VPS13B: variants seen among roughly 807,000 people sequenced by gnomAD.
VPS13B encodes vacuolar protein sorting 13 homolog B.
VPS13B carries 285 observed loss-of-function variants against 426.4 expected under a neutral mutation model. That is an observed-to-expected ratio of 0.67 (90% CI 0.61 to 0.74). VPS13B has a LOEUF of 0.74. Among genes scored for constraint, VPS13B ranks in the 30% least tolerant of loss-of-function variants. The pLI is 0.00. For synonymous variants in VPS13B, 1,676 were observed against 1,676.4 expected (o/e 1.00, Z 0.01); for missense variants, 4,537 against 4,782.6 (o/e 0.95, Z 1.51).
intron 25 of VPS13B, among the ~76,000 whole-genome samples, chr8:99,493,780 T>TA (rs376555643): frequency 0.11 from 6,655 of 60,916 alleles, 293 homozygotes; most frequent in African/African-American, 0.15. Context: ...AGACTCTATC[T>TA]AAAAAAAAAA....
rs981145487 is a variant in VPS13B at position 99,335,067 on chromosome 8, C to A, written c.2825-49141C>A. ...ATTGGTCTATTCAGAGATTCAACTTCTTCCTGGTTTAGTCTTGGGAGGGTG... is the reference window on the plus strand; with the variant it reads ...ATTGGTCTATTCAGAGATTCAACTTATTCCTGGTTTAGTCTTGGGAGGGTG... On this transcript the variant is annotated intron_variant, in intron 19 of 61. Coordinates refer to ENST00000357162, the MANE Select transcript of VPS13B (RefSeq NM_152564.5). Among the ~76,000 whole-genome samples, 30 of 152,246 alleles carry A rather than the reference C, an allele frequency of 2.0e-4. 1 individual carries two copies. Among genetic ancestry groups the A allele is most frequent in the African/African-American group, 7.0e-4 (29 of 41,554 alleles).
intron 19 of VPS13B, among the ~76,000 whole-genome samples, chr8:99,290,931 A>G (rs1190655687): frequency 6.6e-6 from 1 of 152,138 alleles, no homozygotes; most frequent in Non-Finnish European, 1.5e-5. Flanking sequence ...AAGCTCCCTC[A>G]GATTAAAACG....
chr8:99,389,052 G>A (rs1050134598), intron 20 of VPS13B, among the ~76,000 whole-genome samples: 4 of 152,148 alleles, frequency 2.6e-5, no homozygotes, highest in African/African-American at 9.7e-5. Flanking sequence ...GGGAGGCTGA[G>A]GCAGGAGAAT....
intron 31 of VPS13B, among the ~76,000 whole-genome samples, chr8:99,558,364 A>G (rs1824701099): frequency 6.6e-6 from 1 of 151,962 alleles, no homozygotes; most frequent in Non-Finnish European, 1.5e-5. Context: ...TCACTTGCCT[A>G]GCTCCTATCA....
chr8:99,642,420 C>T lies in VPS13B; in HGVS notation c.5830C>T (p.His1944Tyr). 6.2e-7 allele frequency: 1 copy of T among 1,614,054 alleles called. No individual in the cohort carries two copies. The highest frequency in any genetic ancestry group is 8.5e-7 in the Non-Finnish European group (1 of 1,179,986). The change falls in exon 34 of 62, where the codon CAC becomes TAC. Residue 1944 changes from histidine (H) to tyrosine (Y), a missense_variant. By Grantham distance (83) the His-to-Tyr change is moderately conservative. Coordinates refer to ENST00000357162, the MANE Select transcript of VPS13B (RefSeq NM_152564.5). ...CCAGCCTTCCTTGCTTCTGAGTTGT[C>T]ACCACAGAAAGCAGCGAGTGGAAGT... ...VSQPSLLLSC[H>Y]HRKQRVEVSI...
chr8:99,515,948 G>C (rs866998051), intron 29 of VPS13B, among the ~76,000 whole-genome samples: 1 of 152,088 alleles, frequency 6.6e-6, no homozygotes, highest in African/African-American at 2.4e-5. Flanking sequence ...TCTGGCATAT[G>C]TATTGCTCAT....
intron 6 of VPS13B, among the ~76,000 whole-genome samples, chr8:99,114,137 G>A (rs1029854965): frequency 8.3e-6 from 1 of 120,028 alleles, no homozygotes; most frequent in Non-Finnish European, 1.7e-5. Context: ...TTGTATAATT[G>A]CAAATATCTT....
chr8:99,631,499 G>A (rs1476439685), intron 33 of VPS13B, among the ~76,000 whole-genome samples: 1 of 152,058 alleles, frequency 6.6e-6, no homozygotes, highest in African/African-American at 2.4e-5. Flanking sequence ...GGTCATTTAT[G>A]ATTCTTAGCA....
At chr8:99,560,334 A>G (rs777151715) in intron 31 of VPS13B, among the ~76,000 whole-genome samples, 1 of 152,182 alleles carries the variant, frequency 6.6e-6, no homozygotes, top group Non-Finnish European at 1.5e-5. Context: ...TTCTAAATAT[A>G]AAATCATGGT....
chr8:99,372,144 G>C (rs532098350), intron 19 of VPS13B, among the ~76,000 whole-genome samples: 2 of 151,372 alleles, frequency 1.3e-5, no homozygotes, highest in African/African-American at 4.9e-5. Flanking sequence ...CCAGCTACTC[G>C]GGAGGCTGAG....
chr8:99,620,986 CAAAAAAA>C (rs397892235), intron 33 of VPS13B, among the ~76,000 whole-genome samples: 4 of 50,858 alleles, frequency 7.9e-5, no homozygotes, highest in African/African-American at 3.2e-4. Flanking sequence ...AACTCCATCT[CAAAAAAA>C]AAAAAAAAAA....
chr8:99,674,499 T>G (rs1465912111), intron 35 of VPS13B, among the ~76,000 whole-genome samples: 1 of 152,174 alleles, frequency 6.6e-6, no homozygotes, highest in African/African-American at 2.4e-5. Flanking sequence ...GTAAGCAGCA[T>G]ATAGTTGGGT....
chr8:99,278,607 T>C (rs531491334), intron 19 of VPS13B, among the ~76,000 whole-genome samples: 7 of 152,336 alleles, frequency 4.6e-5, no homozygotes, highest in African/African-American at 1.7e-4. Flanking sequence ...CTTCTAACTA[T>C]ACAACATTTT....
rs368558317 is a variant in VPS13B, at chr8:99,040,241, T to A, written c.291+1675T>A. Among the ~76,000 whole-genome samples, 3 of 152,208 alleles carry A rather than the reference T, an allele frequency of 2.0e-5. No homozygotes were observed. In the East Asian group the frequency reaches 5.8e-4, roughly 29 times the overall value. Reference sequence around the variant, plus strand: ...AAAAGACTTGTAACACATGACTTAGTGCAACCTAGAACTAATACTTGATAT... The same window carrying A: ...AAAAGACTTGTAACACATGACTTAGAGCAACCTAGAACTAATACTTGATAT... On this transcript the variant is annotated intron_variant, in intron 3 of 61. Transcript: ENST00000357162.
intron 23 of VPS13B, among the ~76,000 whole-genome samples, chr8:99,452,294 G>C (rs1206016753): frequency 6.6e-6 from 1 of 152,160 alleles, no homozygotes; most frequent in African/African-American, 2.4e-5. Context: ...TCAGGCTTCA[G>C]GGCATTTCAT....
intron 17 of VPS13B, among the ~76,000 whole-genome samples, chr8:99,220,286 T>C (rs1815637426): frequency 6.6e-6 from 1 of 152,212 alleles, no homozygotes; most frequent in African/African-American, 2.4e-5. Flanking sequence ...CTAGTTTAAA[T>C]TGGCTTTCTG....
chr8:99,393,028 A>C (rs1814526239), intron 21 of VPS13B, among the ~76,000 whole-genome samples: 1 of 152,148 alleles, frequency 6.6e-6, no homozygotes, highest in Admixed American at 6.5e-5. Flanking sequence ...ATTTACATAA[A>C]GGTTTATAAA....
intron 33 of VPS13B, among the ~76,000 whole-genome samples, chr8:99,611,432 A>G (rs1259995174): frequency 6.6e-6 from 1 of 152,148 alleles, no homozygotes. Context: ...ATAGCAATAG[A>G]TAATACTTAT....
chr8:99,542,178 C>T (rs1351621528), intron 30 of VPS13B, among the ~76,000 whole-genome samples: 3 of 152,096 alleles, frequency 2.0e-5, no homozygotes, highest in Admixed American at 6.6e-5. Context: ...CGTGAGCCAC[C>T]GTGCCTGGCC....
Sources: gnomAD v4.1 joint callset for allele counts (sites outside exome capture counted in the v4.1 genomes callset) on GRCh38, gnomAD v4.1.1 for gene constraint, MANE v1.5 for transcripts, NCBI Gene and HGNC (gene_info 2026-07-23, HGNC 2026-07-21) for gene names.